AUTS2: variants seen among roughly 807,000 people sequenced by gnomAD.
The protein encoded by AUTS2 is autism susceptibility gene 2 protein.
AUTS2 carries 17 observed loss-of-function variants against 112.4 expected under a neutral mutation model. That is an observed-to-expected ratio of 0.15 (90% CI 0.10 to 0.23). AUTS2 has a LOEUF of 0.23. Ranked by LOEUF, AUTS2 falls within the 10% of genes least tolerant of loss-of-function variation. AUTS2 has a pLI of 1.00. For synonymous variants in AUTS2, 751 were observed against 702.7 expected (o/e 1.07, Z -1.09); for missense variants, 1,510 against 1,701.6 (o/e 0.89, Z 1.98).
At chr7:69,821,623 G>A (rs927219037) in intron 1 of AUTS2, among the ~76,000 whole-genome samples, 4 of 152,148 alleles carry the variant, frequency 2.6e-5, no homozygotes, top group East Asian at 1.9e-4. Flanking sequence ...CACTCACCGC[G>A]AGGGTCTGCA....
rs147388794 is a variant in AUTS2, at chr7:70,559,427, C to T, written c.690+123646C>T. ...TCAGCTCACTGCAACTTCTGCCTCC[C>T]GGGTTCAAGCAATTCTCCTGTCTCA... is the stretch of plus-strand genomic sequence containing the variant. On this transcript the variant is annotated intron_variant, in intron 5 of 18. Coordinates refer to ENST00000342771, the MANE Select transcript of AUTS2 (RefSeq NM_015570.4). Among the ~76,000 whole-genome samples, 512 of 151,788 alleles carry T rather than the reference C, an allele frequency of 3.4e-3. 3 individuals carry two copies. Among genetic ancestry groups the T allele is most frequent in the African/African-American group, 0.012 (482 of 41,334 alleles).
Position 70,789,631 on chromosome 7 carries a change from A to G in AUTS2, c.2532-117A>G, listed in dbSNP as rs910619188. On this transcript the variant is annotated intron_variant, in intron 18 of 18. Coordinates refer to ENST00000342771, the MANE Select transcript of AUTS2 (RefSeq NM_015570.4). The stretch of plus-strand genomic sequence containing the variant: ...GGGCACGGCTGCTGCCTTGGCGACC[A>G]TGGGAAGCAGCCCCCAGCCTGTCCT... The G allele has an allele frequency of 1.6e-5, 20 of 1,257,572 alleles. No individual in the cohort carries two copies. The East Asian group carries it at 1.7e-4, about 11-fold the overall frequency. The allele number at this position is 1,257,572 out of a possible 1,614,324, so 77.9% of individuals were successfully genotyped here. A position where few individuals can be genotyped will look rare whatever the true frequency, so the allele number is the denominator to read the frequency against.
chr7:70,360,949 A>G (rs1245947797), intron 4 of AUTS2, among the ~76,000 whole-genome samples: 2 of 152,228 alleles, frequency 1.3e-5, no homozygotes, highest in Non-Finnish European at 2.9e-5. Context: ...AGCATTAGCC[A>G]GAGTCCTCCT....
chr7:70,186,350 A>T (rs1446474629), intron 4 of AUTS2, among the ~76,000 whole-genome samples: 1 of 152,020 alleles, frequency 6.6e-6, no homozygotes, highest in Non-Finnish European at 1.5e-5. Flanking sequence ...CTTTGGGAGG[A>T]TTTGATAAAG....
chr7:69,752,851 T>C (rs1787799246), intron 1 of AUTS2, among the ~76,000 whole-genome samples: 1 of 152,102 alleles, frequency 6.6e-6, no homozygotes, highest in Non-Finnish European at 1.5e-5. Flanking sequence ...AAATTGGAAA[T>C]GAAGCTGGGT....
intron 4 of AUTS2, among the ~76,000 whole-genome samples, chr7:70,313,725 C>G: frequency 6.6e-6 from 1 of 152,184 alleles, no homozygotes; most frequent in East Asian, 1.9e-4. Context: ...GTAACAGATT[C>G]ATGGAAAAGA....
intron 5 of AUTS2, among the ~76,000 whole-genome samples, chr7:70,665,451 C>CTTTTTATTTATT (rs1807289537): frequency 6.8e-6 from 1 of 147,016 alleles, no homozygotes. Context: ...ATCTATTTAT[C>CTTTTTATTTATT]TATTTATTTA....
At chr7:69,977,226 C>T (rs1249041272) in intron 2 of AUTS2, among the ~76,000 whole-genome samples, 32 of 152,132 alleles carry the variant, frequency 2.1e-4, no homozygotes, top group Admixed American at 2.1e-3. Context: ...GGCTTTGACA[C>T]CTTTGTCAAA....
At chr7:69,870,751 G>T (rs769066687) in intron 1 of AUTS2, among the ~76,000 whole-genome samples, 3 of 151,948 alleles carry the variant, frequency 2.0e-5, no homozygotes, top group African/African-American at 7.2e-5. Context: ...TAGGACAAAG[G>T]TGCCATTAAA....
chr7:70,303,737 A>G (rs1292215396), intron 4 of AUTS2, among the ~76,000 whole-genome samples: 1 of 152,094 alleles, frequency 6.6e-6, no homozygotes, highest in Non-Finnish European at 1.5e-5. Flanking sequence ...TCTGCATTAT[A>G]CATGTTCCCT....
chr7:70,390,209 A>G (rs770482193), intron 4 of AUTS2, among the ~76,000 whole-genome samples: 1 of 152,246 alleles, frequency 6.6e-6, no homozygotes, highest in Non-Finnish European at 1.5e-5. Context: ...GATAAAATGC[A>G]GTGGTTCTCA....
At chr7:70,299,427 C>T (rs1339017294) in intron 4 of AUTS2, among the ~76,000 whole-genome samples, 1 of 152,230 alleles carries the variant, frequency 6.6e-6, no homozygotes, top group Non-Finnish European at 1.5e-5. Context: ...GTTGTAGATG[C>T]ACTACTTGGC....
intron 4 of AUTS2, among the ~76,000 whole-genome samples, chr7:70,395,825 C>T (rs1273431254): frequency 6.6e-6 from 1 of 152,172 alleles, no homozygotes; most frequent in Non-Finnish European, 1.5e-5. Context: ...CTGCACTTAA[C>T]TCTATTCAAC....
At chr7:69,853,087 TA>T (rs544175229) in intron 1 of AUTS2, among the ~76,000 whole-genome samples, 25 of 151,594 alleles carry the variant, frequency 1.6e-4, no homozygotes, top group East Asian at 7.7e-4. Flanking sequence ...TGAGGTCATT[TA>T]AAAAAAAATG....
At chr7:70,406,007 G>C (rs1209335939) in intron 4 of AUTS2, among the ~76,000 whole-genome samples, 2 of 152,150 alleles carry the variant, frequency 1.3e-5, no homozygotes, top group African/African-American at 4.8e-5. Flanking sequence ...CATGGTGGTG[G>C]TGGCGGCCTG....
intron 2 of AUTS2, among the ~76,000 whole-genome samples, chr7:70,115,143 G>A (rs1438700170): frequency 2.0e-5 from 3 of 152,208 alleles, no homozygotes; most frequent in East Asian, 1.9e-4. Flanking sequence ...GATAATTTAC[G>A]TCAGGTCCAC....
chr7:70,464,788 T>TTAA (rs1797107809), intron 5 of AUTS2, among the ~76,000 whole-genome samples: 1 of 152,214 alleles, frequency 6.6e-6, no homozygotes, highest in South Asian at 2.1e-4. Context: ...TAGGTCTAGG[T>TTAA]TAATACACTT....
intron 1 of AUTS2, among the ~76,000 whole-genome samples, chr7:69,816,447 C>T (rs1034388307): frequency 1.1e-4 from 16 of 152,144 alleles, no homozygotes; most frequent in East Asian, 3.9e-4. Context: ...GGGCTGGAAA[C>T]GAAGGTTGGC....
intron 2 of AUTS2, among the ~76,000 whole-genome samples, chr7:70,072,681 G>A (rs1157497251): frequency 6.6e-6 from 1 of 152,136 alleles, no homozygotes; most frequent in African/African-American, 2.4e-5. Flanking sequence ...CCTAACATAG[G>A]TTGGCCTCCT....
Sources: allele counts gnomAD v4.1 joint callset (sites outside exome capture counted in the v4.1 genomes callset), GRCh38; gene constraint gnomAD v4.1.1; transcripts MANE v1.5; gene names NCBI Gene and HGNC (gene_info 2026-07-23, HGNC 2026-07-21).